The following PRP4K variants were observed in gnomAD, a reference collection of about 807,000 sequenced individuals.
PRP4K encodes pre-mRNA processing factor kinase PRP4K, also known as serine/threonine-protein kinase PRP4 homolog.
the PRP4K span, among the ~76,000 whole-genome samples, chr6:4,027,004 G>A: frequency 6.6e-6 from 1 of 152,238 alleles, no homozygotes; most frequent in Non-Finnish European, 1.5e-5. Flanking sequence ...GGAACATGGT[G>A]TGGCTGGAGC....
the PRP4K span, among the ~76,000 whole-genome samples, chr6:4,035,078 T>C: frequency 6.6e-5 from 10 of 151,956 alleles, no homozygotes; most frequent in Non-Finnish European, 1.3e-4. Flanking sequence ...CATTTATATA[T>C]ACATATATAT....
the PRP4K span, among the ~76,000 whole-genome samples, chr6:4,041,204 C>G: frequency 1.3e-5 from 2 of 152,096 alleles, no homozygotes; most frequent in Admixed American, 1.3e-4. Flanking sequence ...ACAATACATA[C>G]ATTAGTCCTG....
the PRP4K span, chr6:4,021,400 G>A: frequency 1.1e-5 from 18 of 1,570,330 alleles, no homozygotes; most frequent in Non-Finnish European, 1.5e-5. Context: ...CGCCGCCACC[G>A]CCGCCGAGGA....
the PRP4K span, chr6:4,032,711 A>G: frequency 2.7e-5 from 43 of 1,591,774 alleles, no homozygotes; most frequent in African/African-American, 4.6e-4. Context: ...GATCCTTAGA[A>G]AGAAAACGAC....
At chr6:4,060,424 T>C in the PRP4K span, 1 of 1,613,188 alleles carries the variant, frequency 6.2e-7, no homozygotes, top group East Asian at 2.2e-5. The surrounding 1 kb of genome is among the most constrained non-coding windows in gnomAD (Gnocchi z 4.7). Flanking sequence ...AGAAAGTTAC[T>C]GTTATGAGCA....
chr6:4,025,155 T>C, the PRP4K span, among the ~76,000 whole-genome samples: 1 of 152,244 alleles, frequency 6.6e-6, no homozygotes, highest in African/African-American at 2.4e-5. Flanking sequence ...ACACATCCAC[T>C]TGGCTAAATG....
the PRP4K span, among the ~76,000 whole-genome samples, chr6:4,027,048 A>G: frequency 1.3e-5 from 2 of 152,106 alleles, no homozygotes; most frequent in Admixed American, 6.5e-5. Context: ...TTAGGTTTAG[A>G]GTGTGGGGGA....
At chr6:4,034,637 A>T in the PRP4K span, among the ~76,000 whole-genome samples, 1 of 152,108 alleles carries the variant, frequency 6.6e-6, no homozygotes, top group South Asian at 2.1e-4. Flanking sequence ...AAAACCCAAA[A>T]ATTGTTTTAA....
chr6:4,047,938 AC>A, the PRP4K span, among the ~76,000 whole-genome samples: 1 of 151,306 alleles, frequency 6.6e-6, no homozygotes, highest in East Asian at 1.9e-4. Context: ...ACACACACAC[AC>A]ACACACAGAG....
At chr6:4,021,366 C>G in the PRP4K span, 4 of 1,551,984 alleles carry the variant, frequency 2.6e-6, no homozygotes, top group Non-Finnish European at 3.5e-6. Flanking sequence ...CCTCCACTTC[C>G]CCTACCCTCC....
chr6:4,061,649 A>G, the PRP4K span: 3 of 152,638 alleles, frequency 2.0e-5, no homozygotes, highest in Non-Finnish European at 4.4e-5. Context: ...TTGTCTTTCA[A>G]TACAGGCATA....
the PRP4K span, chr6:4,043,806 A>G: frequency 4.2e-5 from 68 of 1,612,710 alleles, no homozygotes; most frequent in Non-Finnish European, 5.7e-5. Context: ...CTGTATTGTT[A>G]TTACAGAAAT....
At chr6:4,035,543 C>G in the PRP4K span, among the ~76,000 whole-genome samples, 1 of 152,066 alleles carries the variant, frequency 6.6e-6, no homozygotes, top group South Asian at 2.1e-4. Context: ...GAAGTAAGCA[C>G]TACCAAGAAG....
the PRP4K span, among the ~76,000 whole-genome samples, chr6:4,046,945 A>G: frequency 1.1e-4 from 17 of 152,224 alleles, no homozygotes; most frequent in Non-Finnish European, 2.2e-4. Context: ...GGCGTAAGCC[A>G]CCATGCCCGG....
At chr6:4,031,613 A>G in the PRP4K span, 2 of 1,590,086 alleles carry the variant, frequency 1.3e-6, no homozygotes, top group South Asian at 2.4e-5. Context: ...GAGAAGTATC[A>G]GAAGACCAGT....
chr6:4,053,414 G>A, the PRP4K span, among the ~76,000 whole-genome samples: 1 of 151,938 alleles, frequency 6.6e-6, no homozygotes, highest in South Asian at 2.1e-4. Context: ...TGTCATGGAG[G>A]GTTTGTACCC....
At chr6:4,022,473 TTTTTG>T in the PRP4K span, among the ~76,000 whole-genome samples, 275 of 70,240 alleles carry the variant, frequency 3.9e-3, no homozygotes, top group African/African-American at 0.018. Context: ...TTTGTTTTGT[TTTTTG>T]TTTTTTTTTG....
the PRP4K span, chr6:4,049,928 G>A: frequency 1.3e-6 from 2 of 1,555,906 alleles, no homozygotes; most frequent in Non-Finnish European, 1.7e-6. Flanking sequence ...GATACTTACA[G>A]AAGAACATAT....
At chr6:4,024,320 A>C in the PRP4K span, among the ~76,000 whole-genome samples, 5 of 152,162 alleles carry the variant, frequency 3.3e-5, no homozygotes, top group African/African-American at 1.2e-4. Context: ...CCCAGGCAAC[A>C]TAGTGAGACC....
Sources: allele counts gnomAD v4.1 joint callset (sites outside exome capture counted in the v4.1 genomes callset), GRCh38; gene constraint gnomAD v4.1.1; non-coding constraint Gnocchi (gnomAD v3.1); transcripts MANE v1.5; gene names NCBI Gene and HGNC (gene_info 2026-07-23, HGNC 2026-07-21).